TMEM178B: variants seen among roughly 807,000 people sequenced by gnomAD.
TMEM178B encodes transmembrane protein 178B.
A neutral mutation model predicts 31.0 loss-of-function variants in TMEM178B; 5 were observed. That is an observed-to-expected ratio of 0.16 (90% CI 0.08 to 0.34). TMEM178B has a LOEUF of 0.34. Ranked by LOEUF, TMEM178B falls within the 10% of genes least tolerant of loss-of-function variation. The pLI, the probability that TMEM178B is intolerant of heterozygous loss-of-function variation, is 1.00. For missense variants in TMEM178B, 275 were observed against 400.3 expected (o/e 0.69, Z 2.67); for synonymous variants, 164 against 164.0 (o/e 1.00, Z 0.00).
At position 141,463,173 on chromosome 7, in the gene TMEM178B, G is replaced by C. The variant is rs558694885; in HGVS notation, c.635-7363G>C. The stretch of plus-strand genomic sequence containing the variant: ...CAATGCCAGTGAGAGTCCTGGCACA[G>C]AAAGGGTAATTAGTTTTCGTTTCTC... On this transcript the variant is annotated intron_variant, in intron 3 of 3. Transcript: ENST00000565468. 3.3e-5 allele frequency among the ~76,000 whole-genome samples: 5 copies of C among 152,294 alleles called. No homozygotes were observed. In the South Asian group the frequency reaches 1.0e-3, roughly 32 times the overall value.
chr7:141,254,115 G>A (rs1797882842), intron 2 of TMEM178B, among the ~76,000 whole-genome samples: 1 of 152,186 alleles, frequency 6.6e-6, no homozygotes, highest in South Asian at 2.1e-4. Context: ...GAATCTTCCC[G>A]GTGGAAAGGA....
intron 2 of TMEM178B, among the ~76,000 whole-genome samples, chr7:141,420,046 C>T (rs1415722009): frequency 1.3e-5 from 2 of 152,190 alleles, no homozygotes; most frequent in Non-Finnish European, 2.9e-5. Flanking sequence ...TACCCATTCC[C>T]TCCCTTCCTC....
At chr7:141,302,844 C>T (rs867896090) in intron 2 of TMEM178B, among the ~76,000 whole-genome samples, 4 of 152,086 alleles carry the variant, frequency 2.6e-5, no homozygotes, top group African/African-American at 9.7e-5. Context: ...TACTGCATGC[C>T]GGAGAGCAAA....
the TMEM178B span, among the ~76,000 whole-genome samples, chr7:141,497,604 G>A: frequency 6.6e-6 from 1 of 152,124 alleles, no homozygotes; most frequent in Non-Finnish European, 1.5e-5. Context: ...AGCAATAGCA[G>A]TCCACTGCTG....
chr7:141,147,994 A>G (rs370867183), intron 1 of TMEM178B, among the ~76,000 whole-genome samples: 1 of 152,228 alleles, frequency 6.6e-6, no homozygotes, highest in Non-Finnish European at 1.5e-5. Flanking sequence ...GGCTTAAAAC[A>G]GCACAAATTT....
At chr7:141,232,663 A>G (rs759932559) in intron 2 of TMEM178B, among the ~76,000 whole-genome samples, 1 of 152,224 alleles carries the variant, frequency 6.6e-6, no homozygotes, top group Non-Finnish European at 1.5e-5. Context: ...ATTAAATGCC[A>G]ATAAACCCAT....
intron 1 of TMEM178B, among the ~76,000 whole-genome samples, chr7:141,183,756 A>G (rs1246556304): frequency 6.6e-6 from 1 of 152,196 alleles, no homozygotes; most frequent in African/African-American, 2.4e-5. Context: ...TGAATGATGG[A>G]TAATTATGAA....
intron 1 of TMEM178B, among the ~76,000 whole-genome samples, chr7:141,201,094 C>G (rs927965340): frequency 6.6e-6 from 1 of 152,118 alleles, no homozygotes; most frequent in Non-Finnish European, 1.5e-5. Flanking sequence ...TGAGAAAGGA[C>G]AACTTCCCGT....
chr7:141,096,055 T>C (rs1233755098), intron 1 of TMEM178B, among the ~76,000 whole-genome samples: 1 of 152,218 alleles, frequency 6.6e-6, no homozygotes, highest in Non-Finnish European at 1.5e-5. Context: ...GCCCATGGTA[T>C]CCAGAGGGGA....
chr7:141,078,154 G>A (rs1386989256), intron 1 of TMEM178B, among the ~76,000 whole-genome samples: 5 of 152,110 alleles, frequency 3.3e-5, no homozygotes, highest in Non-Finnish European at 5.9e-5. Flanking sequence ...TGCAGGCACT[G>A]GGGACAGATC....
chr7:141,114,811 A>C (rs906641955), intron 1 of TMEM178B, among the ~76,000 whole-genome samples: 2 of 152,210 alleles, frequency 1.3e-5, no homozygotes, highest in Non-Finnish European at 2.9e-5. Flanking sequence ...GCAGGGGAAT[A>C]AAGAATGTAG....
chr7:141,353,225 C>T (rs1799764958), intron 2 of TMEM178B, among the ~76,000 whole-genome samples: 1 of 152,190 alleles, frequency 6.6e-6, no homozygotes, highest in Admixed American at 6.5e-5. Context: ...CTGGAATGTC[C>T]TCTGACATGC....
At chr7:141,094,843 T>G (rs1794932283) in intron 1 of TMEM178B, among the ~76,000 whole-genome samples, 1 of 152,220 alleles carries the variant, frequency 6.6e-6, no homozygotes, top group Non-Finnish European at 1.5e-5. Context: ...CTTGTCATCC[T>G]AAAAATGCTT....
intron 2 of TMEM178B, among the ~76,000 whole-genome samples, chr7:141,431,551 A>T (rs1274419251): frequency 6.6e-6 from 1 of 152,208 alleles, no homozygotes; most frequent in African/African-American, 2.4e-5. Context: ...TTAGAATGTT[A>T]AACATTAGGG....
chr7:141,258,871 C>T (rs997477269), intron 2 of TMEM178B, among the ~76,000 whole-genome samples: 1 of 152,138 alleles, frequency 6.6e-6, no homozygotes, highest in East Asian at 1.9e-4. Context: ...TCAGTTTTCT[C>T]TTGATGCTTT....
chr7:141,259,280 C>T (rs764686983), intron 2 of TMEM178B, among the ~76,000 whole-genome samples: 3 of 152,044 alleles, frequency 2.0e-5, no homozygotes, highest in East Asian at 3.9e-4. Context: ...TCTTTTAACC[C>T]CAGAATCTCT....
intron 2 of TMEM178B, among the ~76,000 whole-genome samples, chr7:141,311,410 G>A (rs1266434828): frequency 1.3e-5 from 2 of 152,152 alleles, no homozygotes; most frequent in African/African-American, 2.4e-5. Flanking sequence ...ATTTACATGA[G>A]TGCTTTTATA....
intron 1 of TMEM178B, among the ~76,000 whole-genome samples, chr7:141,156,142 G>C (rs1796066719): frequency 6.6e-6 from 1 of 152,244 alleles, no homozygotes. Flanking sequence ...AGCTTATTTT[G>C]TATTTCTAGC....
At chr7:141,077,595 A>G (rs1478293475) in intron 1 of TMEM178B, among the ~76,000 whole-genome samples, 1 of 152,172 alleles carries the variant, frequency 6.6e-6, no homozygotes, top group African/African-American at 2.4e-5. Flanking sequence ...ATTTCTCATC[A>G]CTGTGTATTC....
Sources: allele counts gnomAD v4.1 joint callset (sites outside exome capture counted in the v4.1 genomes callset), GRCh38; gene constraint gnomAD v4.1.1; transcripts MANE v1.5; gene names NCBI Gene and HGNC (gene_info 2026-07-23, HGNC 2026-07-21).